The following HGSNAT variants were observed in gnomAD, a reference collection of about 807,000 sequenced individuals.
HGSNAT encodes the protein transmembrane protein 76.
Under a neutral mutation model 85.2 loss-of-function variants are expected in HGSNAT, and 59 were observed. That is an observed-to-expected ratio of 0.69 (90% CI 0.56 to 0.86). The LOEUF (loss-of-function observed/expected upper bound fraction) is 0.86. Among genes scored for constraint, HGSNAT ranks in the 40% least tolerant of loss-of-function variants. The probability of loss-of-function intolerance (pLI) is 0.00; values close to 1 mark genes in which losing one functional copy is unlikely to be tolerated. For missense variants in HGSNAT, 756 were observed against 777.1 expected, an observed-to-expected ratio of 0.97 and a Z score of 0.32; for synonymous variants, 321 against 304.5, an observed-to-expected ratio of 1.05 and a Z score of -0.56.
At chr8:43,187,841 G>A (rs908048522) in intron 11 of HGSNAT, among the ~76,000 whole-genome samples, 1 of 152,140 alleles carries the variant, frequency 6.6e-6, no homozygotes, top group Non-Finnish European at 1.5e-5. Context: ...AGGCCTGCTG[G>A]TGACAAAATC....
chr8:43,192,539 G>A (rs1804575878), intron 13 of HGSNAT, 109 bp downstream of exon 13: 1 of 1,169,670 alleles, frequency 8.5e-7, no homozygotes, highest in Non-Finnish European at 1.2e-6. Flanking sequence ...AAAACACACT[G>A]AGAACTGATG....
chr8:43,164,374 CT>C lies in HGSNAT; in HGVS notation c.563+2879del, dbSNP rs542014382. 9.7e-4 allele frequency among the ~76,000 whole-genome samples: 142 copies of C among 145,802 alleles called. 1 individual carries two copies. The highest frequency in any genetic ancestry group is 7.6e-3 in the South Asian group (35 of 4,632). On this transcript the variant is annotated intron_variant, in intron 5 of 17. Transcript: ENST00000379644. ...CGTGGCAACCCTGCATCCAGCAATTCTTTTTTTTTTTTGAGACGTGGTCTCA... is the reference window on the plus strand; with the variant it reads ...CGTGGCAACCCTGCATCCAGCAATTCTTTTTTTTTTTGAGACGTGGTCTCA...
At chr8:43,192,223 C>T (rs1193575335) in intron 12 of HGSNAT, 81 bp from the exon 13 acceptor site, 70 of 1,487,256 alleles carry the variant, frequency 4.7e-5, no homozygotes, top group Non-Finnish European at 6.1e-5. Context: ...CCACCGTGCC[C>T]GGCCTGAGGT....
rs1804921581 is a variant in HGSNAT at position 43,201,682 on chromosome 8, T to C, written c.*2113T>C. On this transcript the variant is annotated 3_prime_UTR_variant, in exon 18 of 18. Transcript: ENST00000379644. This position sits in a 1 kb window ranked among gnomAD's most constrained non-coding sequence, Gnocchi z 4.4. ...TCCTGCCTGGTGTGACAGTTACCTG[T>C]GTGCATGTGCAATTTCTAATTTCCC... The C allele has an allele frequency of 6.6e-6, 1 of 152,244 alleles. No individual in the cohort carries two copies. Among genetic ancestry groups the C allele is most frequent in the Non-Finnish European group, 1.5e-5 (1 of 68,052 alleles). The allele number at this position is 152,244 out of a possible 1,614,324, so 9.4% of individuals were successfully genotyped here. A position where few individuals can be genotyped will look rare whatever the true frequency, so the allele number is the denominator to read the frequency against.
intron 2 of HGSNAT, among the ~76,000 whole-genome samples, chr8:43,153,329 A>G (rs1301837644): frequency 6.6e-6 from 1 of 152,146 alleles, no homozygotes; most frequent in Non-Finnish European, 1.5e-5. Context: ...ACTAAAAAAA[A>G]TTTTAAAAGG....
chr8:43,182,346 C>A, intron 11 of HGSNAT, 86 bp downstream of exon 11: 1 of 1,084,340 alleles, frequency 9.2e-7, no homozygotes, highest in Non-Finnish European at 1.4e-6. Flanking sequence ...CTATGTTGTC[C>A]AGACTGGTCC....
intron 2 of HGSNAT, among the ~76,000 whole-genome samples, chr8:43,151,876 G>C (rs1212976055): frequency 6.6e-6 from 1 of 152,190 alleles, no homozygotes; most frequent in Non-Finnish European, 1.5e-5. Context: ...GGATTTGCTG[G>C]AGATACTGAA....
chr8:43,189,698 C>T (rs1804459602), intron 11 of HGSNAT, among the ~76,000 whole-genome samples: 2 of 152,234 alleles, frequency 1.3e-5, no homozygotes, highest in African/African-American at 4.8e-5. Flanking sequence ...GTCGCTCACA[C>T]TGGGAGCTGT....
At chr8:43,149,886 C>T (rs1022533382) in intron 2 of HGSNAT, among the ~76,000 whole-genome samples, 4 of 152,162 alleles carry the variant, frequency 2.6e-5, no homozygotes, top group East Asian at 1.9e-4. Context: ...CAGTTACTAG[C>T]TGAGTTGAAG....
Position 43,140,612 on chromosome 8 carries a change from G to A in HGSNAT, c.116G>A (p.Arg39Gln), listed in dbSNP as rs1347482107. The A allele has an allele frequency of 8.1e-7, 1 of 1,232,932 alleles. No homozygotes were observed. The highest frequency in any genetic ancestry group is 1.0e-6 in the Non-Finnish European group (1 of 977,400). The allele number at this position is 1,232,932 out of a possible 1,614,324, so 76.4% of individuals were successfully genotyped here. Residue 39 changes from arginine (R) to glutamine (Q), a missense_variant and splice_region_variant, in exon 1 of 18, where the codon CGA becomes CAA. Coordinates refer to ENST00000379644, the MANE Select transcript of HGSNAT (RefSeq NM_152419.3). The part of the protein sequence containing the change: ...SGRDAQAAPP[R>Q]DLDKKRHAEL... Reference sequence around the variant, plus strand: ...CGCGATGCCCAGGCCGCGCCGCCACGAGGTGAGTGCACACCTCCTACCGCC... The same window carrying A: ...CGCGATGCCCAGGCCGCGCCGCCACAAGGTGAGTGCACACCTCCTACCGCC...
At chr8:43,140,830 G>A (rs933561374) in intron 1 of HGSNAT, among the ~76,000 whole-genome samples, 9 of 152,064 alleles carry the variant, frequency 5.9e-5, no homozygotes, top group African/African-American at 2.2e-4. Flanking sequence ...GCGGGGGAGG[G>A]GGCGGTTCGG....
chr8:43,158,861 C>A, intron 3 of HGSNAT, 62 bp from the exon 4 acceptor site: 1 of 1,554,096 alleles, frequency 6.4e-7, no homozygotes, highest in Non-Finnish European at 8.8e-7. Context: ...ATGATATTAG[C>A]AAAATCCAAC....
intron 11 of HGSNAT, among the ~76,000 whole-genome samples, chr8:43,186,447 CTGAT>C (rs1274252175): frequency 2.0e-5 from 3 of 152,102 alleles, no homozygotes; most frequent in Non-Finnish European, 4.4e-5. Context: ...ATAGTATTCT[CTGAT>C]TGTAGTTTGT....
chr8:43,146,317 T>C (rs1428873519), intron 1 of HGSNAT, among the ~76,000 whole-genome samples: 1 of 152,172 alleles, frequency 6.6e-6, no homozygotes, highest in Non-Finnish European at 1.5e-5. Flanking sequence ...TCTCAAACTT[T>C]CAAGACACGT....
chr8:43,178,657 G>A (rs1803902494), intron 10 of HGSNAT, among the ~76,000 whole-genome samples: 1 of 145,446 alleles, frequency 6.9e-6, no homozygotes, highest in African/African-American at 2.8e-5. Context: ...TTGGGTGTTG[G>A]GATTTGGCAG....
Position 43,197,960 on chromosome 8 carries a change from A to T in HGSNAT, c.1726+8A>T. On this transcript the variant is annotated splice_region_variant and intron_variant, in intron 17 of 17. Coordinates refer to ENST00000379644, the MANE Select transcript of HGSNAT (RefSeq NM_152419.3). ...CCCCATTCTTTTATCCAGGTAAGTC[A>T]CCTCCAACCTCAAACAGAGCTGGGA... is the stretch of plus-strand genomic sequence containing the variant. 7 of 1,583,860 alleles carry T rather than the reference A, an allele frequency of 4.4e-6. No individual in the cohort carries two copies. The highest frequency in any genetic ancestry group is 6.1e-6 in the Non-Finnish European group (7 of 1,154,690).
chr8:43,192,551 T>A, intron 13 of HGSNAT, 121 bp downstream of exon 13: 1 of 1,109,328 alleles, frequency 9.0e-7, no homozygotes, highest in Non-Finnish European at 1.3e-6. Flanking sequence ...GAACTGATGA[T>A]TATTTGAAAA....
At chr8:43,162,113 A>ACTTT (rs1365934781) in intron 5 of HGSNAT, among the ~76,000 whole-genome samples, 1 of 152,284 alleles carries the variant, frequency 6.6e-6, no homozygotes, top group Non-Finnish European at 1.5e-5. Context: ...GTTTTAATTA[A>ACTTT]CTTTCAAAGG....
chr8:43,199,705 T>A lies in HGSNAT; in HGVS notation c.*136T>A. On this transcript the variant is annotated 3_prime_UTR_variant, in exon 18 of 18. Coordinates refer to ENST00000379644, the MANE Select transcript of HGSNAT (RefSeq NM_152419.3). ...TACAGACTCTGGGGGAAGACACTGA[T>A]GTCCTCAAACTGGTTAACTGTGACA... The A allele has an allele frequency of 1.7e-6, 1 of 585,686 alleles. No individual in the cohort carries two copies. The highest frequency in any genetic ancestry group is 2.7e-6 in the Non-Finnish European group (1 of 368,122). The allele number at this position is 585,686 out of a possible 1,614,324, so 36.3% of individuals were successfully genotyped here.
Sources: gnomAD v4.1 joint callset for allele counts (sites outside exome capture counted in the v4.1 genomes callset) on GRCh38, gnomAD v4.1.1 for gene constraint, Gnocchi (gnomAD v3.1) non-coding constraint, MANE v1.5 for transcripts, NCBI Gene and HGNC (gene_info 2026-07-23, HGNC 2026-07-21) for gene names.